The following TBC1D31 variants were observed in gnomAD, a reference collection of about 807,000 sequenced individuals.
The protein encoded by TBC1D31 is TBC1 domain family member 31.
TBC1D31 carries 99 observed loss-of-function variants against 132.9 expected under a neutral mutation model. That is an observed-to-expected ratio of 0.74 (90% CI 0.63 to 0.88). The LOEUF (loss-of-function observed/expected upper bound fraction) is 0.88, where lower values mean the gene tolerates loss of function less well. Ranked by LOEUF, TBC1D31 falls within the 40% of genes least tolerant of loss-of-function variation. The pLI, the probability that TBC1D31 is intolerant of heterozygous loss-of-function variation, is 0.00. For synonymous variants in TBC1D31, 385 were observed against 419.4 expected (o/e 0.92, Z 1.00); for missense variants, 1,134 against 1,256.6 (o/e 0.90, Z 1.48).
At chr8:123,126,375 T>C in intron 12 of TBC1D31, 133 bp from the exon 13 acceptor site, 1 of 1,162,448 alleles carries the variant, frequency 8.6e-7, no homozygotes, top group South Asian at 1.7e-5. Context: ...GGGTCCAAAT[T>C]AAGGTAGTTA....
At chr8:123,121,806 A>T (rs118187824) in intron 11 of TBC1D31, among the ~76,000 whole-genome samples, 9 of 152,358 alleles carry the variant, frequency 5.9e-5, no homozygotes, top group Admixed American at 2.0e-4. Context: ...TTACCTGCCA[A>T]TAGCACTACC....
At chr8:123,096,235 T>A (rs895725280) in intron 5 of TBC1D31, among the ~76,000 whole-genome samples, 1 of 152,016 alleles carries the variant, frequency 6.6e-6, no homozygotes, top group African/African-American at 2.4e-5. Flanking sequence ...CCCTGAGGCC[T>A]TCTGTCACCT....
chr8:123,141,020 A>C (rs2130901550), intron 18 of TBC1D31, 119 bp downstream of exon 18: 1 of 891,078 alleles, frequency 1.1e-6, no homozygotes. Flanking sequence ...TCTTTGCTTC[A>C]GTTGTCACAG....
intron 11 of TBC1D31, among the ~76,000 whole-genome samples, chr8:123,123,957 C>T (rs1001897164): frequency 6.6e-6 from 1 of 151,728 alleles, no homozygotes; most frequent in African/African-American, 2.4e-5. Flanking sequence ...TGTTAATCCA[C>T]AGCACAAATT....
chr8:123,072,913 G>T (rs950385033), intron 1 of TBC1D31, 67 bp downstream of exon 1: 1 of 1,452,268 alleles, frequency 6.9e-7, no homozygotes, highest in Non-Finnish European at 9.4e-7. Flanking sequence ...GGGACGCCGG[G>T]CGTCAGGCAG....
intron 10 of TBC1D31, among the ~76,000 whole-genome samples, chr8:123,114,468 C>T (rs978355361): frequency 5.9e-5 from 9 of 151,864 alleles, no homozygotes; most frequent in African/African-American, 2.2e-4. Flanking sequence ...CTACAGGCAC[C>T]CCCCACCACA....
intron 21 of TBC1D31, 132 bp from the exon 22 acceptor site, chr8:123,151,674 T>C: frequency 1.2e-6 from 1 of 845,678 alleles, no homozygotes; most frequent in Non-Finnish European, 1.7e-6. Flanking sequence ...GGCCAGGTTA[T>C]ATGTAAAATT....
chr8:123,087,423 A>C (rs1036874245), intron 4 of TBC1D31, among the ~76,000 whole-genome samples: 1 of 152,248 alleles, frequency 6.6e-6, no homozygotes, highest in East Asian at 1.9e-4. Flanking sequence ...TGTAGTCTCC[A>C]TGGAAATCCC....
At chr8:123,136,742 T>C (rs1821132384) in intron 17 of TBC1D31, among the ~76,000 whole-genome samples, 1 of 152,136 alleles carries the variant, frequency 6.6e-6, no homozygotes, top group South Asian at 2.1e-4. Flanking sequence ...GAGTGACTGC[T>C]CCCAGCCTAT....
chr8:123,095,488 A>G (rs914857232), intron 5 of TBC1D31, among the ~76,000 whole-genome samples: 17 of 152,338 alleles, frequency 1.1e-4, no homozygotes, highest in African/African-American at 4.1e-4. Flanking sequence ...TTTTTGAAGT[A>G]ATGAATTGGT....
chr8:123,073,294 C>A, intron 1 of TBC1D31: 1 of 458,790 alleles, frequency 2.2e-6, no homozygotes, highest in Non-Finnish European at 4.4e-6. Flanking sequence ...ATCCTTAAAT[C>A]CTTGGATGTG....
chr8:123,138,096 T>C (rs1233040930), intron 17 of TBC1D31, among the ~76,000 whole-genome samples: 1 of 152,256 alleles, frequency 6.6e-6, no homozygotes, highest in Non-Finnish European at 1.5e-5. Context: ...AGTTCCATTG[T>C]TTCCTCTTAG....
chr8:123,130,379 C>CT (rs1192402096), intron 16 of TBC1D31, 46 bp downstream of exon 16: 1 of 1,555,030 alleles, frequency 6.4e-7, no homozygotes, highest in African/African-American at 1.4e-5. Context: ...TCCATTTACT[C>CT]TCACTTAAAT....
At chr8:123,096,860 T>C (rs1327467359) in intron 5 of TBC1D31, among the ~76,000 whole-genome samples, 1 of 152,228 alleles carries the variant, frequency 6.6e-6, no homozygotes, top group Non-Finnish European at 1.5e-5. Context: ...TTTTGTTTTT[T>C]TCATATAGCC....
At chr8:123,076,862 T>C (rs1814576246) in intron 1 of TBC1D31, among the ~76,000 whole-genome samples, 1 of 152,204 alleles carries the variant, frequency 6.6e-6, no homozygotes, top group Non-Finnish European at 1.5e-5. Flanking sequence ...GCACCTGGCT[T>C]GTTCTGTGTC....
At chr8:123,130,372 ATTTAC>A (rs1820501364) in intron 16 of TBC1D31, 39 bp downstream of exon 16, 5 of 1,569,600 alleles carry the variant, frequency 3.2e-6, no homozygotes, top group Non-Finnish European at 4.3e-6. Flanking sequence ...CATCATCTCC[ATTTAC>A]TCTCACTTAA....
Position 123,097,305 on chromosome 8 carries a change from G to C in TBC1D31, c.695G>C (p.Gly232Ala), listed in dbSNP as rs201820963. ...VTRDGRILAA[G>A]GKSNHLHLWC... The stretch of plus-strand genomic sequence containing the variant: ...AGAGATGGCCGAATCCTGGCTGCTG[G>C]AGGCAAGTCAAATCATCTTCATTTG... Residue 232 changes from glycine to alanine, a missense_variant, in exon 6 of 22, where the codon GGA becomes GCA. Coordinates refer to ENST00000287380, the MANE Select transcript of TBC1D31 (RefSeq NM_145647.4). 56 of 1,613,982 alleles carry C rather than the reference G, an allele frequency of 3.5e-5. No homozygotes were observed. The highest frequency in any genetic ancestry group is 1.6e-4 in the Middle Eastern group (1 of 6,084).
At chr8:123,098,986 G>A (rs1215814726) in intron 6 of TBC1D31, among the ~76,000 whole-genome samples, 1 of 152,218 alleles carries the variant, frequency 6.6e-6, no homozygotes, top group Non-Finnish European at 1.5e-5. Flanking sequence ...AGTGACATCA[G>A]CATTTCAAGC....
At chr8:123,132,122 G>A (rs1246933702) in intron 16 of TBC1D31, among the ~76,000 whole-genome samples, 1 of 151,984 alleles carries the variant, frequency 6.6e-6, no homozygotes, top group South Asian at 2.1e-4. Flanking sequence ...CTCCTTCCTC[G>A]CTTTTTCTAT....
Sources: allele counts gnomAD v4.1 joint callset (sites outside exome capture counted in the v4.1 genomes callset), GRCh38; gene constraint gnomAD v4.1.1; transcripts MANE v1.5; gene names NCBI Gene and HGNC (gene_info 2026-07-23, HGNC 2026-07-21).